The following ERN2 variants were observed in gnomAD, a reference collection of about 807,000 sequenced individuals.
ERN2 encodes the protein serine/threonine-protein kinase/endoribonuclease IRE2.
Under a neutral mutation model 107.9 loss-of-function variants are expected in ERN2, and 111 were observed. The ratio of observed to expected loss-of-function variants is 1.03; its 90% CI spans 0.88 to 1.20. The LOEUF (loss-of-function observed/expected upper bound fraction) is 1.20. Ranked by LOEUF, ERN2 falls within the 50% of genes most tolerant of loss-of-function variation. ERN2 has a pLI of 0.00. For missense variants in ERN2, 1,225 were observed against 1,197.9 expected, an observed-to-expected ratio of 1.02 and a Z score of -0.33; for synonymous variants, 524 against 501.7, an observed-to-expected ratio of 1.04 and a Z score of -0.59.
At position 23,692,046 on chromosome 16, in the gene ERN2, G is replaced by C. The variant is rs765912598; in HGVS notation, c.2293C>G (p.Leu765Val). The change falls in exon 19 of 22, where the codon CTG (leucine) becomes GTG (valine). Residue 765 changes from leucine to valine, a missense_variant. Coordinates refer to ENST00000256797, the MANE Select transcript of ERN2 (RefSeq NM_033266.4). The stretch of plus-strand genomic sequence containing the variant: ...GGGGCAGAGGGGCGTGGCTGCGGCA[G>C]TGGGCTCAACATGGCTCCAACCAGG... ...RDLVGAMLSPLPQPRPSAPQV... is the reference protein window; with the variant it reads ...RDLVGAMLSPVPQPRPSAPQV... 6.2e-7 allele frequency: 1 copy of C among 1,613,922 alleles called. No individual in the cohort carries two copies. The highest frequency in any genetic ancestry group is 2.2e-5 in the East Asian group (1 of 44,884).
At chr16:23,699,300 G>A (rs988093291) in intron 13 of ERN2, among the ~76,000 whole-genome samples, 4 of 152,154 alleles carry the variant, frequency 2.6e-5, no homozygotes, top group Admixed American at 1.3e-4. Context: ...AGAAGGTGAC[G>A]GCAGGGTGGG....
chr16:23,706,882 T>A lies in ERN2; in HGVS notation c.380-21A>T, dbSNP rs749469293. The A allele has an allele frequency of 3.7e-6, 6 of 1,603,594 alleles. No individual in the cohort carries two copies. In the East Asian group the frequency reaches 1.3e-4, roughly 36 times the overall value. On this transcript the variant is annotated intron_variant, in intron 5 of 21. Transcript: ENST00000256797. Reference sequence around the variant, plus strand: ...CCGGCCTGTGGAGGTGGAAAGTGTGTTAGCTCTCAAGTTGGCATGGGAAGA... The same window carrying A: ...CCGGCCTGTGGAGGTGGAAAGTGTGATAGCTCTCAAGTTGGCATGGGAAGA...
In ERN2 at chr16:23,692,175, C is replaced by T. The variant is rs1959624655; in HGVS notation, c.2248+9G>A. The T allele has an allele frequency of 1.2e-6, 2 of 1,614,086 alleles. No homozygotes were observed. The highest frequency in any genetic ancestry group is 8.5e-7 in the Non-Finnish European group (1 of 1,180,028). On this transcript the variant is annotated intron_variant, in intron 18 of 21. Transcript: ENST00000256797. ...CCTCCCTTCTCTGCCCTGCCCAGGG[C>T]TCCCTCACCGTGGACCTCTTCCTCC...
At chr16:23,691,911 C>T (rs1331594027) in intron 19 of ERN2, 52 bp downstream of exon 19, 2 of 1,588,942 alleles carry the variant, frequency 1.3e-6, no homozygotes, top group African/African-American at 1.4e-5. Context: ...TCTTATTGCC[C>T]AGGACCCAAA....
chr16:23,692,297 A>G lies in ERN2; in HGVS notation c.2135T>C (p.Val712Ala), dbSNP rs1392974415. Residue 712 changes from valine to alanine, a missense_variant, in exon 18 of 22, where the codon GTG becomes GCG. Val to Ala is a moderately conservative substitution (Grantham distance 64). Transcript: ENST00000256797. Reference protein sequence around the residue: ...SAVDIFSAGCVFYYVLSGGSH... With the variant: ...SAVDIFSAGCAFYYVLSGGSH... ...GCCACCAGAAAGCACGTAGTAGAAC[A>G]CGCAGCCTGCAGAGAAGATGTCCAC... is the stretch of plus-strand genomic sequence containing the variant. 2.5e-6 allele frequency: 4 copies of G among 1,613,850 alleles called. No homozygotes were observed. Among genetic ancestry groups the G allele is most frequent in the Non-Finnish European group, 3.4e-6 (4 of 1,180,046 alleles).
chr16:23,702,129 C>T, intron 11 of ERN2, 23 bp downstream of exon 11: 1 of 1,604,188 alleles, frequency 6.2e-7, no homozygotes, highest in Non-Finnish European at 8.5e-7. Context: ...CCTACCCCCA[C>T]TCTCTCCCCT....
At chr16:23,701,332 C>T (rs1205596672) in intron 11 of ERN2, among the ~76,000 whole-genome samples, 2 of 152,162 alleles carry the variant, frequency 1.3e-5, no homozygotes, top group Non-Finnish European at 2.9e-5. Context: ...TGGGATGTCA[C>T]TAAAAAATAC....
intron 18 of ERN2, 43 bp downstream of exon 18, chr16:23,692,141 C>T (rs1339757776): frequency 1.2e-6 from 2 of 1,613,790 alleles, no homozygotes; most frequent in East Asian, 2.2e-5. Flanking sequence ...TGCCTAGCGT[C>T]TTGCCCGTCC....
chr16:23,707,169 T>A, intron 4 of ERN2, 90 bp from the exon 5 acceptor site: 1 of 880,462 alleles, frequency 1.1e-6, no homozygotes, highest in Non-Finnish European at 1.9e-6. Flanking sequence ...AGCAACCAAT[T>A]AACAGGTATT....
Position 23,713,183 on chromosome 16 carries a change from G to A in ERN2, c.5C>T (p.Ala2Val). ...CGGCCTCGACCCCCTGACCGCACTC[G>A]CCATAGCGCCTGGGCAGCTGCACGG... is the stretch of plus-strand genomic sequence containing the variant. Reference protein sequence around the residue: MASAVRGSRPWP... With the variant: MVSAVRGSRPWP... The change falls in exon 1 of 22, where the codon GCG (alanine) becomes GTG (valine). Residue 2 changes from alanine to valine, a missense_variant. Transcript: ENST00000256797. The A allele has an allele frequency of 6.3e-7, 1 of 1,577,584 alleles. No individual in the cohort carries two copies. The highest frequency in any genetic ancestry group is 8.6e-7 in the Non-Finnish European group (1 of 1,168,260).
rs771033285 is a variant in ERN2, at chr16:23,695,116, G to A, written c.1803C>T (p.Tyr601=). The part of the protein sequence containing the change: ...LELCRASLQE[Y]VENPDLDRGG... ...CGCGATCCAGGTCCGGGTTTTCTAC[G>A]TACTGAGCAGCAGCAAGGGCCAAAG... The change falls in exon 16 of 22, where the codon TAC becomes TAT. Residue 601 remains tyrosine (Y), a splice_region_variant and synonymous_variant. Coordinates refer to ENST00000256797, the MANE Select transcript of ERN2 (RefSeq NM_033266.4). 13 of 1,613,894 alleles carry A rather than the reference G, an allele frequency of 8.1e-6. No individual in the cohort carries two copies. The highest frequency in any genetic ancestry group is 5.3e-5 in the African/African-American group (4 of 74,898).
At position 23,706,979 on chromosome 16, in the gene ERN2, G is replaced by T. The variant is rs757870439; in HGVS notation, c.379+28C>A. On this transcript the variant is annotated intron_variant, in intron 5 of 21. Coordinates refer to ENST00000256797, the MANE Select transcript of ERN2 (RefSeq NM_033266.4). Reference sequence around the variant, plus strand: ...ATCCCTGCCTCTGCTGGCTGAACCTGGACCCCACAGGCTGAAGAGATGCTC... The same window carrying T: ...ATCCCTGCCTCTGCTGGCTGAACCTTGACCCCACAGGCTGAAGAGATGCTC... 8.1e-6 allele frequency: 13 copies of T among 1,607,150 alleles called. No individual in the cohort carries two copies. The South Asian group carries it at 1.4e-4, about 18-fold the overall frequency.
rs1316217867 is a variant in ERN2 at position 23,702,521 on chromosome 16, AG to A, written c.949del (p.Leu317TrpfsTer12). 1.9e-6 allele frequency: 3 copies of A among 1,613,964 alleles called. No individual in the cohort carries two copies. The highest frequency in any genetic ancestry group is 1.7e-6 in the Non-Finnish European group (2 of 1,180,038). ...TGTGGTGGGGCCATCTGCGGGGGCC[AG>A]GGTCAGTCCACGAGGCTATGGCAGA... Reference protein sequence around the residue: ...GVALVPRGLTLAPADGPTTDE... With the variant: ...GVALVPRGLTXAPADGPTTDE... On this transcript the variant is annotated frameshift_variant, in exon 10 of 22. Transcript: ENST00000256797. LOFTEE classifies it high-confidence loss of function.
chr16:23,700,743 C>T lies in ERN2; in HGVS notation c.1360-39G>A, dbSNP rs35823248. On this transcript the variant is annotated intron_variant, in intron 12 of 21. Coordinates refer to ENST00000256797, the MANE Select transcript of ERN2 (RefSeq NM_033266.4). Reference sequence around the variant, plus strand: ...GCCTAAGAGAGCTTTGTCCTGGCCACGCCCTGCCCCGTGATGGGCCCAGTA... The same window carrying T: ...GCCTAAGAGAGCTTTGTCCTGGCCATGCCCTGCCCCGTGATGGGCCCAGTA... 2.7e-4 allele frequency: 427 copies of T among 1,579,462 alleles called. 3 individuals carry two copies. The East Asian group carries it at 9.1e-3, about 34-fold the overall frequency.
At position 23,691,385 on chromosome 16, in the gene ERN2, G is replaced by T. The variant is rs772089697; in HGVS notation, c.2417C>A (p.Pro806His). 5 of 1,601,542 alleles carry T rather than the reference G, an allele frequency of 3.1e-6. No individual in the cohort carries two copies. The highest frequency in any genetic ancestry group is 1.7e-5 in the Admixed American group (1 of 59,972). The change falls in exon 20 of 22, where the codon CCC becomes CAC. Residue 806 changes from proline to histidine, a missense_variant. Coordinates refer to ENST00000256797, the MANE Select transcript of ERN2 (RefSeq NM_033266.4). ...TCCCGCCTCCAGTGCCCTCACCAGGGGCTCCTGCTCGGACTCCTTCTCCAG... is the reference window on the plus strand; with the variant it reads ...TCCCGCCTCCAGTGCCCTCACCAGGTGCTCCTGCTCGGACTCCTTCTCCAG... ...DWLEKESEQEPLVRALEAGGC... is the reference protein window; with the variant it reads ...DWLEKESEQEHLVRALEAGGC...
chr16:23,701,213 G>C, intron 11 of ERN2, 99 bp from the exon 12 acceptor site: 1 of 1,250,778 alleles, frequency 8.0e-7, no homozygotes, highest in Non-Finnish European at 1.1e-6. Flanking sequence ...AGCTGAAGGG[G>C]CAGTGAGTGG....
chr16:23,705,462 CACTT>C (rs1317779634), intron 7 of ERN2, among the ~76,000 whole-genome samples: 11 of 82,220 alleles, frequency 1.3e-4, no homozygotes, highest in Non-Finnish European at 2.0e-4. Flanking sequence ...ACTTGGGAGT[CACTT>C]ACAGTGTGAG....
At chr16:23,691,933 T>C (rs759689737) in intron 19 of ERN2, 30 bp downstream of exon 19, 3 of 1,603,864 alleles carry the variant, frequency 1.9e-6, no homozygotes, top group Admixed American at 3.5e-5. Context: ...TTAGGACTTT[T>C]GGGGGCCATT....
Position 23,704,163 on chromosome 16 carries a change from C to A in ERN2, c.854+720G>T, listed in dbSNP as rs186615532. Among the ~76,000 whole-genome samples, 71 of 152,224 alleles carry A rather than the reference C, an allele frequency of 4.7e-4. 1 individual carries two copies. Among genetic ancestry groups the A allele is most frequent in the Non-Finnish European group, 1.6e-4 (11 of 68,010 alleles). On this transcript the variant is annotated intron_variant, in intron 8 of 21. Transcript: ENST00000256797. ...CACTAAGGTATTAGATGCAATAATA[C>A]CTTAAATAAGTTGTTAAATAAGGTA...
Sources: gnomAD v4.1 joint callset for allele counts (sites outside exome capture counted in the v4.1 genomes callset) on GRCh38, gnomAD v4.1.1 for gene constraint, MANE v1.5 for transcripts, NCBI Gene and HGNC (gene_info 2026-07-23, HGNC 2026-07-21) for gene names.